PNISR: variants seen among roughly 807,000 people sequenced by gnomAD.
PNISR encodes the protein PNN interacting serine and arginine rich protein.
A neutral mutation model predicts 93.4 loss-of-function variants in PNISR; 20 were observed. The ratio of observed to expected loss-of-function variants is 0.21; its 90% confidence interval spans 0.15 to 0.31. PNISR has a LOEUF of 0.31. Ranked by LOEUF, PNISR falls within the 10% of genes least tolerant of loss-of-function variation. The pLI, the probability that PNISR is intolerant of heterozygous loss-of-function variation, is 1.00. For missense variants in PNISR, 893 were observed against 985.4 expected (o/e 0.91, Z 1.25); for synonymous variants, 305 against 306.5 (o/e 0.99, Z 0.05).
chr6:99,403,272 T>A (rs922551321), intron 10 of PNISR: 3 of 152,208 alleles, frequency 2.0e-5, no homozygotes, highest in African/African-American at 7.2e-5. Flanking sequence ...GAAATGAAGA[T>A]GTGGAAAAGG....
At chr6:99,402,989 A>T in intron 10 of PNISR, 1 of 236,002 alleles carries the variant, frequency 4.2e-6, no homozygotes, top group Non-Finnish European at 8.1e-6. Flanking sequence ...ACTAACCAAC[A>T]AAACTACTTA....
intron 1 of PNISR, among the ~76,000 whole-genome samples, chr6:99,421,337 T>C (rs925461323): frequency 1.3e-5 from 2 of 152,202 alleles, no homozygotes; most frequent in African/African-American, 2.4e-5. Flanking sequence ...ATGGAATGAA[T>C]TGTGTCCCCA....
intron 7 of PNISR, among the ~76,000 whole-genome samples, chr6:99,406,470 A>G (rs1776166274): frequency 1.3e-5 from 2 of 152,222 alleles, no homozygotes; most frequent in Non-Finnish European, 2.9e-5. Flanking sequence ...CCAGAGACTG[A>G]TTTAATTACT....
chr6:99,410,628 A>G (rs1776792157), intron 5 of PNISR, 113 bp downstream of exon 5: 1 of 686,930 alleles, frequency 1.5e-6, no homozygotes, highest in Admixed American at 2.5e-5. Context: ...GAATGTGCTT[A>G]TTTATACAAG....
chr6:99,423,594 A>G (rs1778938969), intron 1 of PNISR, among the ~76,000 whole-genome samples: 1 of 152,186 alleles, frequency 6.6e-6, no homozygotes, highest in Non-Finnish European at 1.5e-5. Flanking sequence ...CATGTGTTGA[A>G]AAGGGCATCT....
intron 1 of PNISR, chr6:99,424,949 A>G (rs1398844783): frequency 6.3e-6 from 2 of 317,848 alleles, no homozygotes; most frequent in Non-Finnish European, 5.7e-6. Flanking sequence ...GAACCCAACA[A>G]TTAGTCCCTT....
chr6:99,399,594 A>G lies in PNISR; in HGVS notation c.*946T>C, dbSNP rs1480146055. 1 of 152,200 alleles carries G rather than the reference A, an allele frequency of 6.6e-6. No homozygotes were observed. The highest frequency in any genetic ancestry group is 1.9e-4 in the East Asian group (1 of 5,206). The allele number at this position is 152,200 out of a possible 1,614,324, so 9.4% of individuals were successfully genotyped here. A position where few individuals can be genotyped will look rare whatever the true frequency, so the allele number is the denominator to read the frequency against. ...TGTCAAACACAATCGTTCCTTACAA[A>G]TAACTCTACTGGTGCACTGGCTTGA... On this transcript the variant is annotated 3_prime_UTR_variant, in exon 12 of 12. Coordinates refer to ENST00000369239, the MANE Select transcript of PNISR (RefSeq NM_032870.4).
intron 1 of PNISR, among the ~76,000 whole-genome samples, chr6:99,422,672 G>C (rs989124008): frequency 2.6e-5 from 4 of 151,992 alleles, no homozygotes; most frequent in African/African-American, 9.7e-5. Context: ...CCAGGAATTC[G>C]AGACCAGCCT....
chr6:99,405,574 T>C (rs1776057095), intron 8 of PNISR, among the ~76,000 whole-genome samples: 1 of 152,166 alleles, frequency 6.6e-6, no homozygotes, highest in South Asian at 2.1e-4. Flanking sequence ...TTTTCTTTCT[T>C]TTTTTTCCGA....
intron 4 of PNISR, chr6:99,411,971 A>T (rs1776994214): frequency 4.3e-6 from 1 of 230,480 alleles, no homozygotes; most frequent in South Asian, 5.9e-5. Context: ...AGTGACTATT[A>T]AAAAGGAATA....
At chr6:99,410,589 T>G in intron 5 of PNISR, 152 bp downstream of exon 5, 1 of 552,818 alleles carries the variant, frequency 1.8e-6, no homozygotes, top group Non-Finnish European at 3.2e-6. Context: ...TCTAATTATT[T>G]TAATACTCAA....
Position 99,400,380 on chromosome 6 carries a change from A to T in PNISR, c.*160T>A, listed in dbSNP as rs1128347. On this transcript the variant is annotated 3_prime_UTR_variant, in exon 12 of 12. Coordinates refer to ENST00000369239, the MANE Select transcript of PNISR (RefSeq NM_032870.4). The stretch of plus-strand genomic sequence containing the variant: ...TTTTAAATTAAAAATCTGCAATTTT[A>T]AATAAATAATATTATATAGGATTTC... 0.17 allele frequency: 194,511 copies of T among 1,155,492 alleles called. 18,236 individuals carry two copies. Among genetic ancestry groups the T allele is most frequent in the Non-Finnish European group, 0.19 (172,783 of 920,874 alleles). The allele number at this position is 1,155,492 out of a possible 1,614,324, so 71.6% of individuals were successfully genotyped here. A position where few individuals can be genotyped will look rare whatever the true frequency, so the allele number is the denominator to read the frequency against.
intron 1 of PNISR, among the ~76,000 whole-genome samples, chr6:99,416,866 TG>T (rs972932440): frequency 1.3e-5 from 2 of 152,204 alleles, no homozygotes; most frequent in Non-Finnish European, 2.9e-5. Flanking sequence ...GTTCCTGAAA[TG>T]GTTTAGTTTC....
intron 2 of PNISR, 77 bp downstream of exon 2, chr6:99,416,272 C>T (rs1033553843): frequency 2.0e-5 from 9 of 459,346 alleles, no homozygotes; most frequent in East Asian, 3.6e-5. Flanking sequence ...AAAGTAACTT[C>T]GCTTACAACT....
chr6:99,408,199 T>G lies in PNISR; in HGVS notation c.746A>C (p.Lys249Thr). The G allele has an allele frequency of 6.2e-7, 1 of 1,613,738 alleles. No individual in the cohort carries two copies. Among genetic ancestry groups the G allele is most frequent in the Non-Finnish European group, 8.5e-7 (1 of 1,179,642 alleles). Residue 249 changes from lysine (K) to threonine (T), a missense_variant, in exon 7 of 12, where the codon AAG becomes ACG. Around this residue, in one of 3 missense-constraint regions of PNISR, gnomAD observed 866 missense variants for 935.1 expected, o/e 0.93. Coordinates refer to ENST00000369239, the MANE Select transcript of PNISR (RefSeq NM_032870.4). ...GLEKMEREKQ[K>T]KLEKERMEQQ... is the part of the protein sequence containing the mutation. ...TTCCATTCTTTCTTTCTCCAATTTC[T>G]TCTGCTTTTCACGTTCCATTTTTTC...
chr6:99,419,755 GA>G (rs574039725), intron 1 of PNISR, among the ~76,000 whole-genome samples: 8 of 151,704 alleles, frequency 5.3e-5, no homozygotes, highest in African/African-American at 1.9e-4. Flanking sequence ...CACATTGACA[GA>G]ATAAAATAAT....
At chr6:99,418,234 T>C (rs894152748) in intron 1 of PNISR, among the ~76,000 whole-genome samples, 3 of 151,658 alleles carry the variant, frequency 2.0e-5, no homozygotes, top group Non-Finnish European at 4.4e-5. Flanking sequence ...GCCTCCTGGG[T>C]TCAAGCGATT....
Position 99,408,274 on chromosome 6 carries a change from G to A in PNISR, c.674-3C>T. The A allele has an allele frequency of 6.3e-7, 1 of 1,586,568 alleles. No homozygotes were observed. Among genetic ancestry groups the A allele is most frequent in the Middle Eastern group, 1.7e-4 (1 of 5,936 alleles). The stretch of plus-strand genomic sequence containing the variant: ...AAGAGTCCTGCGTTTTACTGCGTCT[G>A]TTTCACGTGGGAAAAATATACGCAA... On this transcript the variant is annotated splice_polypyrimidine_tract_variant and splice_region_variant and intron_variant, in intron 6 of 11. Coordinates refer to ENST00000369239, the MANE Select transcript of PNISR (RefSeq NM_032870.4).
At chr6:99,423,629 T>C (rs994274981) in intron 1 of PNISR, among the ~76,000 whole-genome samples, 9 of 152,208 alleles carry the variant, frequency 5.9e-5, no homozygotes, top group African/African-American at 1.7e-4. Flanking sequence ...TCCCCTGATA[T>C]AGTCCGTAAG....
Sources: gnomAD v4.1 joint callset for allele counts (sites outside exome capture counted in the v4.1 genomes callset) on GRCh38, gnomAD v4.1.1 for gene constraint, gnomAD v4.1.1 regional missense constraint, MANE v1.5 for transcripts, NCBI Gene and HGNC (gene_info 2026-07-23, HGNC 2026-07-21) for gene names.